The following GDF1 variants were observed in gnomAD, a reference collection of about 807,000 sequenced individuals.
GDF1 encodes embryonic growth/differentiation factor 1.
A neutral mutation model predicts 7.4 loss-of-function variants in GDF1; 8 were observed. The ratio of observed to expected loss-of-function variants is 1.09; its 90% CI spans 0.64 to 1.96. The LOEUF (loss-of-function observed/expected upper bound fraction) is 1.96, where lower values mean the gene tolerates loss of function less well. Among genes scored for constraint, GDF1 ranks in the 30% most tolerant of loss-of-function variants. GDF1 has a pLI of 0.00. For missense variants in GDF1, 574 were observed against 551.5 expected, an observed-to-expected ratio of 1.04 and a Z score of -0.41; for synonymous variants, 311 against 276.7, an observed-to-expected ratio of 1.12 and a Z score of -1.23.
chr19:18,872,162 G>A (rs2055981894), intron 6 of GDF1, among the ~76,000 whole-genome samples: 1 of 152,186 alleles, frequency 6.6e-6, no homozygotes, highest in Admixed American at 6.5e-5. Flanking sequence ...AGCATCCTCG[G>A]TGATGGGTGC....
chr19:18,882,805 G>A (rs1485577643), intron 3 of GDF1, among the ~76,000 whole-genome samples: 3 of 151,958 alleles, frequency 2.0e-5, no homozygotes, highest in Non-Finnish European at 4.4e-5. Flanking sequence ...CCATTCTCCT[G>A]TCTCAGCCTC....
At chr19:18,879,214 T>C in intron 5 of GDF1, 27 bp downstream of exon 5, 7 of 1,612,924 alleles carry the variant, frequency 4.3e-6, no homozygotes, top group African/African-American at 4.0e-5. Context: ...GGACCGCCAC[T>C]GTGGAGGAGA....
In GDF1 at chr19:18,869,181, C is replaced by T. The variant is rs1324308734; in HGVS notation, c.535G>A (p.Gly179Arg). 1.0e-5 allele frequency: 12 copies of T among 1,164,982 alleles called. No homozygotes were observed. The East Asian group carries it at 3.2e-4, about 31-fold the overall frequency. The allele number at this position is 1,164,982 out of a possible 1,614,324, so 72.2% of individuals were successfully genotyped here. The stretch of plus-strand genomic sequence containing the variant: ...ACCAACTGGCGGAGCAGCACCGGCC[C>T]GGGGTCCGCGCCCGCGCCCTGGCCC... ...QAGQGAGADP[G>R]PVLLRQLVPA... The change falls in exon 8 of 8, where the codon GGG (glycine) becomes AGG (arginine). Residue 179 changes from glycine (G) to arginine (R), a missense_variant. Gly to Arg is a moderately radical substitution (Grantham distance 125). Transcript: ENST00000247005.
At chr19:18,875,893 G>T (rs2056052452) in intron 6 of GDF1, among the ~76,000 whole-genome samples, 1 of 152,214 alleles carries the variant, frequency 6.6e-6, no homozygotes, top group African/African-American at 2.4e-5. Context: ...GCAAGGAGGG[G>T]ATCCTCGCTT....
At chr19:18,891,293 C>A (rs2056484911) in intron 2 of GDF1, among the ~76,000 whole-genome samples, 1 of 152,168 alleles carries the variant, frequency 6.6e-6, no homozygotes, top group South Asian at 2.1e-4. Flanking sequence ...ACCAGGAGCC[C>A]TCTAGGCTGT....
Position 18,878,198 on chromosome 19 carries a change from G to T in GDF1, c.-313+732C>A. The T allele has an allele frequency of 1.0e-6, 1 of 985,494 alleles. No individual in the cohort carries two copies. The highest frequency in any genetic ancestry group is 1.2e-6 in the Non-Finnish European group (1 of 830,054). The allele number at this position is 985,494 out of a possible 1,614,324, so 61.0% of individuals were successfully genotyped here. A position where few individuals can be genotyped will look rare whatever the true frequency, so the allele number is the denominator to read the frequency against. On this transcript the variant is annotated intron_variant, in intron 6 of 7. Transcript: ENST00000247005. This position sits in a 1 kb window ranked among gnomAD's most constrained non-coding sequence, Gnocchi z 4.6. Reference sequence around the variant, plus strand: ...AGGGCCTTCCACAACCTCCTGCCCCGGCTCCTGCTCAAACACTCCTCACGT... The same window carrying T: ...AGGGCCTTCCACAACCTCCTGCCCCTGCTCCTGCTCAAACACTCCTCACGT...
chr19:18,876,268 G>C (rs976412608), intron 6 of GDF1, among the ~76,000 whole-genome samples: 3 of 152,178 alleles, frequency 2.0e-5, no homozygotes, highest in Non-Finnish European at 2.9e-5. Flanking sequence ...TTACAGGCGT[G>C]AGCCACCGCG....
chr19:18,878,715 C>G lies in GDF1; in HGVS notation c.-313+215G>C, dbSNP rs913857259. On this transcript the variant is annotated intron_variant, in intron 6 of 7. Transcript: ENST00000247005. This position sits in a 1 kb window ranked among gnomAD's most constrained non-coding sequence, Gnocchi z 4.6. ...CTGCCTGTCGCCCTGCCTGCCCCTC[C>G]CCAGCCTCTCCCTCCCCTTCCTCAC... The G allele has an allele frequency of 3.6e-6, 5 of 1,387,460 alleles. No homozygotes were observed. The Admixed American group carries it at 1.5e-4, about 41-fold the overall frequency. The allele number at this position is 1,387,460 out of a possible 1,614,324, so 85.9% of individuals were successfully genotyped here.
At position 18,870,169 on chromosome 19, in the gene GDF1, C is replaced by T; in HGVS notation, c.139G>A (p.Asp47Asn). Residue 47 changes from aspartate (D) to asparagine (N), a missense_variant, in exon 7 of 8, where the codon GAT becomes AAT. Asp to Asn is a conservative substitution (Grantham distance 23). Transcript: ENST00000247005. This position sits in a 1 kb window ranked among gnomAD's most constrained non-coding sequence, Gnocchi z 5.1. ...AGCCTGGGGGCACCCTGGGGCTCAT[C>T]GCGCAGTCCTAGAGCCTGGAGCAGG... The part of the protein sequence containing the change: ...AALLQALGLR[D>N]EPQGAPRLRP... 1.3e-6 allele frequency: 2 copies of T among 1,561,480 alleles called. No homozygotes were observed. The highest frequency in any genetic ancestry group is 1.7e-6 in the Non-Finnish European group (2 of 1,159,432).
Position 18,893,485 on chromosome 19 carries a change from TCCAGCTG to T in GDF1, c.-990_-984del. The T allele has an allele frequency of 6.2e-7, 1 of 1,607,962 alleles. No homozygotes were observed. ...CCAAACAGCAGGTAGGCACTGTAGC[TCCAGCTG>T]CCCAGGTAGAAGAGAAACTTCCAAG... On this transcript the variant is annotated 5_prime_UTR_variant, in exon 2 of 8. The change creates a premature stop within an existing upstream ORF in the 5' untranslated region. Transcript: ENST00000247005.
At position 18,895,848 on chromosome 19, in the gene GDF1, G is replaced by C; in HGVS notation, c.-1098C>G. 7.7e-7 allele frequency: 1 copy of C among 1,297,822 alleles called. No individual in the cohort carries two copies. Among genetic ancestry groups the C allele is most frequent in the South Asian group, 1.9e-5 (1 of 51,430 alleles). 80.4% of individuals were successfully genotyped at this position (1,297,822 alleles called of 1,614,324 possible). A position where few individuals can be genotyped will look rare whatever the true frequency, so the allele number is the denominator to read the frequency against. Reference sequence around the variant, plus strand: ...CCCGAAAGAGGCGCGCAGTGGCCGCGGAGCGCAGGGCGGTCCAGCCCAGCG... The same window carrying C: ...CCCGAAAGAGGCGCGCAGTGGCCGCCGAGCGCAGGGCGGTCCAGCCCAGCG... On this transcript the variant is annotated 5_prime_UTR_variant, in exon 1 of 8. Transcript: ENST00000247005. This position sits in a 1 kb window ranked among gnomAD's most constrained non-coding sequence, Gnocchi z 6.4.
chr19:18,878,631 C>T lies in GDF1; in HGVS notation c.-313+299G>A, dbSNP rs1020289709. 4.9e-6 allele frequency: 6 copies of T among 1,212,824 alleles called. No homozygotes were observed. The highest frequency in any genetic ancestry group is 5.2e-6 in the Non-Finnish European group (5 of 964,466). 75.1% of individuals were successfully genotyped at this position (1,212,824 alleles called of 1,614,324 possible). On this transcript the variant is annotated intron_variant, in intron 6 of 7. Coordinates refer to ENST00000247005, the MANE Select transcript of GDF1 (RefSeq NM_001492.6). The surrounding 1 kb of genome is among the most constrained non-coding windows in gnomAD (Gnocchi z 4.6). ...CCTCACCACCCACAGGGCCCTGGCT[C>T]GCCACTCCCGCCACACCAGCCACTA...
chr19:18,869,377 C>T lies in GDF1; in HGVS notation c.339G>A (p.Arg113=). 6.5e-7 allele frequency: 1 copy of T among 1,529,402 alleles called. No homozygotes were observed. The highest frequency in any genetic ancestry group is 1.2e-5 in the South Asian group (1 of 83,862). 94.7% of individuals were successfully genotyped at this position (1,529,402 alleles called of 1,614,324 possible). The change falls in exon 8 of 8, where the codon CGG becomes CGA. Residue 113 remains arginine, a synonymous_variant. Coordinates refer to ENST00000247005, the MANE Select transcript of GDF1 (RefSeq NM_001492.6). ...RHIPDRGAPT[R]ASEPASAAGH... is the part of the protein sequence containing the mutation. Reference sequence around the variant, plus strand: ...CCGCGGCCGAGGCAGGCTCCGAGGCCCGGGTGGGCGCACCTGGGGAGGTAG... The same window carrying T: ...CCGCGGCCGAGGCAGGCTCCGAGGCTCGGGTGGGCGCACCTGGGGAGGTAG...
intron 6 of GDF1, among the ~76,000 whole-genome samples, chr19:18,877,318 C>T (rs1038768287): frequency 1.1e-4 from 16 of 152,308 alleles, no homozygotes; most frequent in African/African-American, 3.6e-4. Flanking sequence ...TCTGCACCTC[C>T]GAGGATGTCC....
chr19:18,886,278 A>G (rs55981548), intron 2 of GDF1, among the ~76,000 whole-genome samples: 7,914 of 151,972 alleles, frequency 0.052, 263 homozygotes, highest in Non-Finnish European at 0.069. Context: ...GGCCGGGCGC[A>G]GTGGCTCACG....
Position 18,868,901 on chromosome 19 carries a change from AGCCGCCGCGCGCGACAAGCGCCCCCGGG to A in GDF1, c.787_814del (p.Pro263CysfsTer3), listed in dbSNP as rs1417119878. ...GCCCACCTCGCGGAAGCTCACGTAC[AGCCGCCGCGCGCGACAAGCGCCCCCGGG>A]GCCGCCGCCCAACACGGGTTCGGCG... On this transcript the variant is annotated frameshift_variant, in exon 8 of 8. Transcript: ENST00000247005. LOFTEE classifies it low-confidence loss of function (END_TRUNC). The A allele has an allele frequency of 1.4e-5, 20 of 1,396,800 alleles. No individual in the cohort carries two copies. Among genetic ancestry groups the A allele is most frequent in the Non-Finnish European group, 1.9e-5 (20 of 1,067,002 alleles). The allele number at this position is 1,396,800 out of a possible 1,614,324, so 86.5% of individuals were successfully genotyped here.
At position 18,868,840 on chromosome 19, in the gene GDF1, C is replaced by G; in HGVS notation, c.876G>C (p.Leu292=). ...HRWVIAPRGF[L]ANYCQGQCAL... ...CGCACTGACCCTGGCAGTAGTTGGC[C>G]AGGAAGCCGCGCGGCGCGATGACCC... The change falls in exon 8 of 8, where the codon CTG becomes CTC. Residue 292 remains leucine (L), a synonymous_variant. Transcript: ENST00000247005. 6.9e-7 allele frequency: 1 copy of G among 1,452,014 alleles called. No individual in the cohort carries two copies. Among genetic ancestry groups the G allele is most frequent in the Admixed American group, 2.1e-5 (1 of 46,658 alleles). The allele number at this position is 1,452,014 out of a possible 1,614,324, so 89.9% of individuals were successfully genotyped here.
intron 7 of GDF1, among the ~76,000 whole-genome samples, chr19:18,869,606 C>T (rs974895051): frequency 1.8e-5 from 1 of 56,090 alleles, no homozygotes; most frequent in South Asian, 5.1e-4. Context: ...GGGCTGCCCT[C>T]GGCGGGGGGC....
At chr19:18,876,384 G>T (rs2146002107) in intron 6 of GDF1, among the ~76,000 whole-genome samples, 1 of 152,034 alleles carries the variant, frequency 6.6e-6, no homozygotes, top group African/African-American at 2.4e-5. Context: ...ACAGGGTCTT[G>T]CTCTGTTGCT....
Sources: allele counts gnomAD v4.1 joint callset (sites outside exome capture counted in the v4.1 genomes callset), GRCh38; gene constraint gnomAD v4.1.1; non-coding constraint Gnocchi (gnomAD v3.1); transcripts MANE v1.5; gene names NCBI Gene and HGNC (gene_info 2026-07-23, HGNC 2026-07-21).